ANKRD44: variants seen among roughly 807,000 people sequenced by gnomAD.
ANKRD44 encodes serine/threonine-protein phosphatase 6 regulatory ankyrin repeat subunit B.
A neutral mutation model predicts 116.0 loss-of-function variants in ANKRD44; 35 were observed. The observed-to-expected ratio is 0.30, with a 90% CI of 0.23 to 0.40. The LOEUF (loss-of-function observed/expected upper bound fraction) is 0.40. Ranked by LOEUF, ANKRD44 falls within the 10% of genes least tolerant of loss-of-function variation. The probability of loss-of-function intolerance (pLI) is 1.00; values close to 1 mark genes in which losing one functional copy is unlikely to be tolerated. For synonymous variants in ANKRD44, 435 were observed against 461.8 expected, an observed-to-expected ratio of 0.94 and a Z score of 0.74; for missense variants, 1,014 against 1,242.6, an observed-to-expected ratio of 0.82 and a Z score of 2.77.
intron 16 of ANKRD44, among the ~76,000 whole-genome samples, chr2:197,041,113 T>C (rs1559013558): frequency 6.6e-6 from 1 of 152,122 alleles, no homozygotes; most frequent in African/African-American, 2.4e-5. Context: ...ATAAAAACAT[T>C]GAGAGAATTT....
At chr2:197,101,811 A>T (rs2078300120) in intron 9 of ANKRD44, among the ~76,000 whole-genome samples, 2 of 152,100 alleles carry the variant, frequency 1.3e-5, no homozygotes, top group South Asian at 4.1e-4. Flanking sequence ...ATTTACCTGA[A>T]TTTTTTACTG....
chr2:197,239,093 C>T (rs7604929), intron 1 of ANKRD44, among the ~76,000 whole-genome samples: 30,906 of 152,106 alleles, frequency 0.2, 3,301 homozygotes, highest in Middle Eastern at 0.31. Flanking sequence ...ACAATGGCTG[C>T]TCAAGTCCAG....
At chr2:197,263,518 A>C in intron 1 of ANKRD44, 4 of 356,588 alleles carry the variant, frequency 1.1e-5, no homozygotes, top group South Asian at 3.9e-5. Flanking sequence ...GGCCTTTCTC[A>C]TCCTCTTCCC....
At chr2:197,173,862 A>G (rs1021394819) in intron 2 of ANKRD44, among the ~76,000 whole-genome samples, 2 of 152,078 alleles carry the variant, frequency 1.3e-5, no homozygotes, top group African/African-American at 4.8e-5. Context: ...GTGAAACCCC[A>G]TCTCTACTAA....
chr2:196,976,271 G>A (rs913303738), intron 21 of ANKRD44, among the ~76,000 whole-genome samples: 20 of 152,052 alleles, frequency 1.3e-4, no homozygotes, highest in African/African-American at 4.8e-4. Flanking sequence ...CGAGTAGCTG[G>A]GACTACAGGC....
At chr2:197,298,069 C>T (rs531611871) in intron 1 of ANKRD44, among the ~76,000 whole-genome samples, 1 of 152,342 alleles carries the variant, frequency 6.6e-6, no homozygotes, top group South Asian at 2.1e-4. Context: ...GAAGATATTT[C>T]AGCATGTCTG....
At chr2:197,079,682 T>C (rs964183964) in intron 15 of ANKRD44, among the ~76,000 whole-genome samples, 1 of 152,246 alleles carries the variant, frequency 6.6e-6, no homozygotes, top group Non-Finnish European at 1.5e-5. Flanking sequence ...GGGACAAACA[T>C]GTCTTTTACA....
intron 8 of ANKRD44, 70 bp downstream of exon 8, chr2:197,121,262 C>T: frequency 3.5e-6 from 5 of 1,422,628 alleles, no homozygotes; most frequent in Non-Finnish European, 4.0e-6. Flanking sequence ...GCATAATTTG[C>T]AGCAGTTGAT....
intron 2 of ANKRD44, among the ~76,000 whole-genome samples, chr2:197,177,468 C>T (rs957906269): frequency 3.9e-5 from 6 of 152,054 alleles, no homozygotes; most frequent in Non-Finnish European, 7.4e-5. Context: ...GTAAGTACCA[C>T]GCCACTGAAA....
chr2:197,191,232 T>A (rs1488590831), intron 1 of ANKRD44, among the ~76,000 whole-genome samples: 1 of 152,164 alleles, frequency 6.6e-6, no homozygotes, highest in African/African-American at 2.4e-5. Context: ...AAAGCACAAG[T>A]GGGATTTGTT....
chr2:197,231,956 T>C (rs2081874038), intron 1 of ANKRD44, among the ~76,000 whole-genome samples: 1 of 152,220 alleles, frequency 6.6e-6, no homozygotes, highest in Non-Finnish European at 1.5e-5. Context: ...TAGCACATAA[T>C]ACATGTCGAA....
intron 1 of ANKRD44, among the ~76,000 whole-genome samples, chr2:197,236,318 C>A (rs187914655): frequency 6.6e-6 from 1 of 152,120 alleles, no homozygotes; most frequent in Non-Finnish European, 1.5e-5. Flanking sequence ...GAAGACACGA[C>A]CTGCCCCAAA....
intron 9 of ANKRD44, 90 bp downstream of exon 9, chr2:197,110,676 G>A: frequency 1.9e-6 from 2 of 1,040,540 alleles, no homozygotes; most frequent in Non-Finnish European, 3.0e-6. Context: ...CTCCAAAACA[G>A]GGCATCGACT....
intron 17 of ANKRD44, among the ~76,000 whole-genome samples, chr2:197,017,519 AATG>A (rs2076415457): frequency 1.3e-5 from 2 of 152,206 alleles, no homozygotes; most frequent in South Asian, 4.1e-4. Flanking sequence ...TATGTTTGTG[AATG>A]ATTTTGATTA....
intron 1 of ANKRD44, among the ~76,000 whole-genome samples, chr2:197,287,630 T>C (rs949042392): frequency 2.6e-5 from 4 of 152,204 alleles, no homozygotes; most frequent in Non-Finnish European, 4.4e-5. Flanking sequence ...CTAGATCTTT[T>C]ACCCTGTTTT....
At chr2:197,046,343 T>C (rs2077000978) in intron 16 of ANKRD44, among the ~76,000 whole-genome samples, 2 of 152,216 alleles carry the variant, frequency 1.3e-5, no homozygotes, top group Non-Finnish European at 2.9e-5. Flanking sequence ...AAAATCTTTC[T>C]AGTAATTTAA....
chr2:197,136,776 T>C, intron 3 of ANKRD44, 114 bp from the exon 4 acceptor site: 1 of 835,482 alleles, frequency 1.2e-6, no homozygotes, highest in Non-Finnish European at 2.0e-6. Context: ...CCACCTCTTC[T>C]TTTCTTTGTA....
chr2:197,078,661 T>G, intron 16 of ANKRD44, 42 bp downstream of exon 16: 1 of 1,531,970 alleles, frequency 6.5e-7, no homozygotes, highest in Non-Finnish European at 9.0e-7. Context: ...TTGGGGTATG[T>G]GTGTGTGTGT....
intron 16 of ANKRD44, among the ~76,000 whole-genome samples, chr2:197,043,617 T>C (rs2076950363): frequency 6.6e-6 from 1 of 152,186 alleles, no homozygotes. Context: ...GGGCATCAAA[T>C]ATGTTAAGCA....
Sources: gnomAD v4.1 joint callset for allele counts (sites outside exome capture counted in the v4.1 genomes callset) on GRCh38, gnomAD v4.1.1 for gene constraint, MANE v1.5 for transcripts, NCBI Gene and HGNC (gene_info 2026-07-23, HGNC 2026-07-21) for gene names.